SETD2: variants seen among roughly 807,000 people sequenced by gnomAD.
SETD2 encodes SET domain containing 2, histone lysine methyltransferase, also known as histone-lysine N-methyltransferase SETD2.
A neutral mutation model predicts 242.1 loss-of-function variants in SETD2; 31 were observed. That is an observed-to-expected ratio of 0.13 (90% CI 0.10 to 0.17). SETD2 has a LOEUF of 0.17. Ranked by LOEUF, SETD2 falls within the 10% of genes least tolerant of loss-of-function variation. The pLI, the probability that SETD2 is intolerant of heterozygous loss-of-function variation, is 1.00. For synonymous variants in SETD2, 1,006 were observed against 1,066.5 expected (o/e 0.94, Z 1.11); for missense variants, 2,481 against 3,046.3 (o/e 0.81, Z 4.37).
intron 1 of SETD2, among the ~76,000 whole-genome samples, chr3:47,152,801 GC>G (rs1361425393): frequency 2.0e-5 from 3 of 152,186 alleles, no homozygotes; most frequent in Non-Finnish European, 4.4e-5. Context: ...CCAGAGCAGT[GC>G]TCCCAGTAAG....
Position 47,078,202 on chromosome 3 carries a change from G to A in SETD2, c.6060+5518C>T, listed in dbSNP as rs574511037. ...CTTTTTAATTATAAAGGGAAAAATC[G>A]TAACTTTACACTGGAAAAGTCTGGC... is the stretch of plus-strand genomic sequence containing the variant. On this transcript the variant is annotated intron_variant, in intron 12 of 20. Coordinates refer to ENST00000409792, the MANE Select transcript of SETD2 (RefSeq NM_014159.7). Among the ~76,000 whole-genome samples, 47 of 152,172 alleles carry A rather than the reference G, an allele frequency of 3.1e-4. 1 individual carries two copies. In the South Asian group the frequency reaches 8.7e-3, roughly 28 times the overall value.
chr3:47,096,738 C>T (rs1280383303), intron 9 of SETD2, among the ~76,000 whole-genome samples: 1 of 151,498 alleles, frequency 6.6e-6, no homozygotes, highest in Non-Finnish European at 1.5e-5. Context: ...CAGTGCGAGA[C>T]GTTGTCTCAA....
At position 47,079,696 on chromosome 3, in the gene SETD2, C is replaced by T. The variant is rs187764825; in HGVS notation, c.6060+4024G>A. Among the ~76,000 whole-genome samples, 116 of 152,260 alleles carry T rather than the reference C, an allele frequency of 7.6e-4. No homozygotes were observed. The East Asian group carries it at 0.021, about 28-fold the overall frequency. ...ACTACTCAACTCTACCACTGAAGTA[C>T]AAAAGCAGCCACAGATGATAGTACA... is the stretch of plus-strand genomic sequence containing the variant. On this transcript the variant is annotated intron_variant, in intron 12 of 20. Coordinates refer to ENST00000409792, the MANE Select transcript of SETD2 (RefSeq NM_014159.7).
intron 1 of SETD2, among the ~76,000 whole-genome samples, chr3:47,138,642 A>C (rs2043650308): frequency 6.6e-6 from 1 of 151,386 alleles, no homozygotes; most frequent in Non-Finnish European, 1.5e-5. Context: ...GCTGGTCTTG[A>C]ACTCCCAAAC....
intron 15 of SETD2, among the ~76,000 whole-genome samples, chr3:47,048,094 T>C (rs1247877827): frequency 6.6e-6 from 1 of 152,084 alleles, no homozygotes; most frequent in Non-Finnish European, 1.5e-5. Context: ...AAATACAGTA[T>C]AAAAATTTTT....
chr3:47,099,983 G>GT (rs1284379264), intron 8 of SETD2, among the ~76,000 whole-genome samples: 4 of 116,648 alleles, frequency 3.4e-5, no homozygotes, highest in African/African-American at 6.5e-5. Flanking sequence ...TTTTTGTTTT[G>GT]TTTTTTTCGA....
intron 19 of SETD2, among the ~76,000 whole-genome samples, chr3:47,019,200 G>T (rs1290403683): frequency 6.6e-6 from 1 of 152,200 alleles, no homozygotes; most frequent in Non-Finnish European, 1.5e-5. Flanking sequence ...TACCAAATGA[G>T]ATATTACAGA....
At chr3:47,124,687 A>T in intron 2 of SETD2, 139 bp from the exon 3 acceptor site, 1 of 685,716 alleles carries the variant, frequency 1.5e-6, no homozygotes, top group Non-Finnish European at 2.2e-6. Flanking sequence ...AGCTATATAT[A>T]TCTTTATTAT....
chr3:47,130,112 C>T (rs2043443492), intron 1 of SETD2, among the ~76,000 whole-genome samples: 1 of 152,226 alleles, frequency 6.6e-6, no homozygotes, highest in South Asian at 2.1e-4. Context: ...ATTAAGCCAT[C>T]AGAGGTAACA....
chr3:47,049,834 TTC>T (rs2039734674), intron 15 of SETD2, among the ~76,000 whole-genome samples: 1 of 145,908 alleles, frequency 6.9e-6, no homozygotes, highest in African/African-American at 2.5e-5. Flanking sequence ...TATAAACTTA[TTC>T]TGAGTTTATA....
At chr3:47,049,635 G>A (rs1194784668) in intron 15 of SETD2, among the ~76,000 whole-genome samples, 1 of 147,346 alleles carries the variant, frequency 6.8e-6, no homozygotes, top group Non-Finnish European at 1.5e-5. Context: ...GCCTCCCAAA[G>A]TGCTGGGATT....
chr3:47,064,672 C>T (rs1232499461), intron 13 of SETD2: 1 of 359,774 alleles, frequency 2.8e-6, no homozygotes, highest in Admixed American at 3.4e-5. Flanking sequence ...CTACGTATTT[C>T]CTGAAGTGTT....
At chr3:47,126,155 G>C (rs1302110548) in intron 2 of SETD2, among the ~76,000 whole-genome samples, 2 of 152,160 alleles carry the variant, frequency 1.3e-5, no homozygotes, top group African/African-American at 2.4e-5. Context: ...TCAGTCTCCT[G>C]AGTAGCTGGG....
chr3:47,097,581 A>T (rs2042056744), intron 9 of SETD2, among the ~76,000 whole-genome samples: 1 of 152,358 alleles, frequency 6.6e-6, no homozygotes, highest in Non-Finnish European at 1.5e-5. Context: ...GAGGATTTTC[A>T]GAGATTTGAA....
chr3:47,101,883 A>T (rs1472757893), intron 7 of SETD2, among the ~76,000 whole-genome samples: 1 of 152,210 alleles, frequency 6.6e-6, no homozygotes, highest in Non-Finnish European at 1.5e-5. Flanking sequence ...TACAGTAAAG[A>T]TTCACTTGTA....
At chr3:47,157,260 C>T (rs1197121790) in intron 1 of SETD2, among the ~76,000 whole-genome samples, 1 of 151,778 alleles carries the variant, frequency 6.6e-6, no homozygotes, top group Non-Finnish European at 1.5e-5. Flanking sequence ...AACCCTGTCT[C>T]AAAACAAAAA....
At chr3:47,133,809 T>C (rs549896970) in intron 1 of SETD2, among the ~76,000 whole-genome samples, 48 of 152,236 alleles carry the variant, frequency 3.2e-4, no homozygotes, top group African/African-American at 1.1e-3. Flanking sequence ...TTCCTAAATT[T>C]ATATTCTGGT....
chr3:47,042,743 T>C (rs754408321), intron 16 of SETD2, 43 bp from the exon 17 acceptor site: 1 of 1,545,644 alleles, frequency 6.5e-7, no homozygotes, highest in South Asian at 1.3e-5. Flanking sequence ...GATCTCTCTC[T>C]TAATCTGGCT....
intron 16 of SETD2, among the ~76,000 whole-genome samples, chr3:47,044,106 G>T (rs2039406878): frequency 6.6e-6 from 1 of 151,942 alleles, no homozygotes; most frequent in South Asian, 2.1e-4. Context: ...ACTTTGGAAG[G>T]CCGAGGCAGG....
Sources: gnomAD v4.1 joint callset for allele counts (sites outside exome capture counted in the v4.1 genomes callset) on GRCh38, gnomAD v4.1.1 for gene constraint, MANE v1.5 for transcripts, NCBI Gene and HGNC (gene_info 2026-07-23, HGNC 2026-07-21) for gene names.